The following NF1 variants were observed in gnomAD, a reference collection of about 807,000 sequenced individuals.
NF1 encodes the protein neurofibromin 1.
Under a neutral mutation model 325.7 loss-of-function variants are expected in NF1, and 122 were observed. That is an observed-to-expected ratio of 0.37 (90% CI 0.32 to 0.44). NF1 has a LOEUF of 0.44. NF1 is among the 20% of genes least tolerant of loss of function. The probability of loss-of-function intolerance (pLI) is 1.00; values close to 1 mark genes in which losing one functional copy is unlikely to be tolerated. For synonymous variants in NF1, 1,091 were observed against 1,186.0 expected (o/e 0.92, Z 1.65); for missense variants, 2,140 against 3,415.4 (o/e 0.63, Z 9.31).
At chr17:31,122,547 A>G (rs1914526463) in intron 1 of NF1, among the ~76,000 whole-genome samples, 2 of 152,140 alleles carry the variant, frequency 1.3e-5, no homozygotes, top group Admixed American at 6.5e-5. Flanking sequence ...TAGGTATCAC[A>G]TTGTTTTATT....
Position 31,340,782 on chromosome 17 carries a change from A to AACT in NF1, c.7062+137_7062+138insACT, listed in dbSNP as rs2069800261. ...TTGTATAATGTAACTTATTGTGAGT[A>AACT]TATTTCCTTACCAGCTCATAAAGAA... is the stretch of plus-strand genomic sequence containing the variant. On this transcript the variant is annotated intron_variant, in intron 47 of 57. Transcript: ENST00000358273. The AACT allele has an allele frequency of 4.6e-6, 4 of 875,542 alleles. No homozygotes were observed. In the Admixed American group the frequency reaches 9.2e-5, roughly 20 times the overall value. The allele number at this position is 875,542 out of a possible 1,614,324, so 54.2% of individuals were successfully genotyped here.
chr17:31,337,721 T>C (rs901221305), intron 43 of NF1, 98 bp from the exon 44 acceptor site: 2 of 1,433,656 alleles, frequency 1.4e-6, no homozygotes, highest in African/African-American at 2.8e-5. Context: ...GACTGTGTTA[T>C]TGGTAACAGG....
At chr17:31,300,714 C>T (rs2068555648) in intron 36 of NF1, among the ~76,000 whole-genome samples, 1 of 152,004 alleles carries the variant, frequency 6.6e-6, no homozygotes, top group African/African-American at 2.4e-5. Flanking sequence ...GGAATTTTTC[C>T]AGACATTACT....
chr17:31,334,826 A>G lies in NF1; in HGVS notation c.5813-12A>G, dbSNP rs768741646. On this transcript the variant is annotated splice_polypyrimidine_tract_variant and intron_variant, in intron 39 of 57. Transcript: ENST00000358273. ...ATTGACCATCACATGCTAATAGTGT[A>G]TTTTTTTCCAGGTATTGAATTGAAA... 7.5e-6 allele frequency: 12 copies of G among 1,604,718 alleles called. No individual in the cohort carries two copies. Among genetic ancestry groups the G allele is most frequent in the Non-Finnish European group, 9.4e-6 (11 of 1,171,722 alleles).
chr17:31,358,896 A>G, intron 55 of NF1, 73 bp from the exon 56 acceptor site: 1 of 1,333,976 alleles, frequency 7.5e-7, no homozygotes, highest in African/African-American at 1.4e-5. Flanking sequence ...CATCAGCTAT[A>G]TGACTTATTT....
At chr17:31,357,867 T>C in intron 54 of NF1, 1 of 165,298 alleles carries the variant, frequency 6.0e-6, no homozygotes, top group South Asian at 1.5e-4. Flanking sequence ...CATGTCATTA[T>C]TTTCTTTTTT....
intron 34 of NF1, 104 bp downstream of exon 34, chr17:31,260,619 C>G: frequency 7.6e-7 from 1 of 1,316,858 alleles, no homozygotes; most frequent in South Asian, 1.2e-5. Context: ...TCTTCTTGGA[C>G]TAAGAATTAT....
intron 1 of NF1, among the ~76,000 whole-genome samples, chr17:31,102,271 T>C (rs565234843): frequency 6.6e-6 from 1 of 152,320 alleles, no homozygotes; most frequent in African/African-American, 2.4e-5. Flanking sequence ...TGCAATGGTG[T>C]GATAGAATAT....
chr17:31,130,722 C>CA (rs1422774986), intron 1 of NF1, among the ~76,000 whole-genome samples: 3 of 152,174 alleles, frequency 2.0e-5, no homozygotes, highest in Non-Finnish European at 2.9e-5. Context: ...AGGGTGTACT[C>CA]ACGCTGGCTG....
chr17:31,295,714 A>G (rs1380749685), intron 36 of NF1: 4 of 1,614,054 alleles, frequency 2.5e-6, no homozygotes, highest in Non-Finnish European at 2.5e-6. Flanking sequence ...ATTGGTCTGG[A>G]ATGAATGTGA....
In NF1 at chr17:31,375,028, AT is replaced by A. The variant is rs558636964; in HGVS notation, c.*879del. On this transcript the variant is annotated 3_prime_UTR_variant, in exon 58 of 58. Transcript: ENST00000358273. ...GTATAGTAATTATATATATATATAT[AT>A]TTTTTCCCCTCCCCCTCTTCTTTCC... 141 of 171,480 alleles carry A rather than the reference AT, an allele frequency of 8.2e-4. No individual in the cohort carries two copies. The highest frequency in any genetic ancestry group is 6.4e-3 in the South Asian group (29 of 4,550). The allele number at this position is 171,480 out of a possible 1,614,324, so 10.6% of individuals were successfully genotyped here.
At chr17:31,171,485 C>T (rs568926061) in intron 5 of NF1, among the ~76,000 whole-genome samples, 3 of 152,152 alleles carry the variant, frequency 2.0e-5, no homozygotes, top group South Asian at 2.1e-4. Flanking sequence ...GTCCAGGTTG[C>T]CTGTGAATAG....
chr17:31,369,510 A>G (rs1220670615), intron 57 of NF1, among the ~76,000 whole-genome samples: 2 of 152,244 alleles, frequency 1.3e-5, no homozygotes, highest in Non-Finnish European at 2.9e-5. Flanking sequence ...CTGGCAAATC[A>G]GGACCACAGA....
At chr17:31,199,813 A>G (rs2066494065) in intron 8 of NF1, among the ~76,000 whole-genome samples, 1 of 152,214 alleles carries the variant, frequency 6.6e-6, no homozygotes, top group African/African-American at 2.4e-5. Context: ...TAGACTTTAA[A>G]TATCAAAAAG....
intron 8 of NF1, among the ~76,000 whole-genome samples, chr17:31,196,938 A>G (rs2066443340): frequency 6.6e-6 from 1 of 152,190 alleles, no homozygotes; most frequent in South Asian, 2.1e-4. Flanking sequence ...GTAGCTTTGT[A>G]GTAAGTTTTC....
intron 1 of NF1, among the ~76,000 whole-genome samples, chr17:31,117,613 C>G (rs1050589856): frequency 4.6e-5 from 6 of 129,572 alleles, no homozygotes; most frequent in African/African-American, 1.8e-4. Context: ...GCGGAGCTTG[C>G]AGTGAGCCAA....
intron 29 of NF1, among the ~76,000 whole-genome samples, chr17:31,244,652 A>G (rs576546246): frequency 1.3e-5 from 2 of 152,132 alleles, no homozygotes; most frequent in South Asian, 4.2e-4. Flanking sequence ...CCAAATGCAG[A>G]TTTTCTTTGC....
At chr17:31,100,008 TAAA>T (rs71142016) in intron 1 of NF1, among the ~76,000 whole-genome samples, 3 of 130,776 alleles carry the variant, frequency 2.3e-5, no homozygotes, top group East Asian at 2.1e-4. Flanking sequence ...ATATTTGAAC[TAAA>T]AAAAAAAAAA....
intron 29 of NF1, among the ~76,000 whole-genome samples, chr17:31,242,568 A>C (rs2067318779): frequency 6.6e-6 from 1 of 152,038 alleles, no homozygotes; most frequent in Non-Finnish European, 1.5e-5. Context: ...TTTGCTTTTA[A>C]GAGACTCTTG....
Sources: allele counts gnomAD v4.1 joint callset (sites outside exome capture counted in the v4.1 genomes callset), GRCh38; gene constraint gnomAD v4.1.1; transcripts MANE v1.5; gene names NCBI Gene and HGNC (gene_info 2026-07-23, HGNC 2026-07-21).